The following ZNF438 variants were observed in gnomAD, a reference collection of about 807,000 sequenced individuals.
The protein encoded by ZNF438 is zinc finger protein 438.
In ZNF438, 25 loss-of-function variants were observed where a neutral mutation model predicts 38.0. The ratio of observed to expected loss-of-function variants is 0.66; its 90% CI spans 0.48 to 0.92. The LOEUF (loss-of-function observed/expected upper bound fraction) is 0.92, where lower values mean the gene tolerates loss of function less well. Ranked by LOEUF, ZNF438 falls within the 40% of genes least tolerant of loss-of-function variation. ZNF438 has a pLI of 0.00. For synonymous variants in ZNF438, 372 were observed against 364.1 expected (o/e 1.02, Z -0.25); for missense variants, 1,007 against 999.6 (o/e 1.01, Z -0.10).
At chr10:30,880,384 T>C (rs938191315) in intron 3 of ZNF438, among the ~76,000 whole-genome samples, 2 of 150,242 alleles carry the variant, frequency 1.3e-5, no homozygotes, top group African/African-American at 4.9e-5. Context: ...TGAGCCGAGA[T>C]TGTGCTATTG....
chr10:30,978,314 A>G (rs184610949), intron 1 of ZNF438, among the ~76,000 whole-genome samples: 243 of 152,258 alleles, frequency 1.6e-3, no homozygotes, highest in Admixed American at 0.015. Context: ...TGTATATTGT[A>G]TACACTGATT....
intron 2 of ZNF438, among the ~76,000 whole-genome samples, chr10:30,937,891 A>T (rs1282061727): frequency 6.6e-6 from 1 of 152,186 alleles, no homozygotes; most frequent in Non-Finnish European, 1.5e-5. Flanking sequence ...CCAGTGCTTG[A>T]GGGACAGAGG....
exon 6 of ZNF438, chr10:30,845,211 G>A (rs765857499): frequency 6.2e-7 from 1 of 1,614,156 alleles, no homozygotes; most frequent in Non-Finnish European, 8.5e-7. Flanking sequence ...TCCTGACTGG[G>A]GTCCTTCATT....
intron 1 of ZNF438, among the ~76,000 whole-genome samples, chr10:30,944,060 A>G (rs2047105566): frequency 6.6e-6 from 1 of 152,182 alleles, no homozygotes; most frequent in African/African-American, 2.4e-5. Context: ...TTCCATCTGA[A>G]CTGGGAGCAC....
At chr10:30,958,672 C>T (rs1053724641) in intron 1 of ZNF438, among the ~76,000 whole-genome samples, 1 of 146,768 alleles carries the variant, frequency 6.8e-6, no homozygotes, top group African/African-American at 2.4e-5. Context: ...CACTACAATC[C>T]AGTTTTCCAT....
At chr10:30,883,927 T>C (rs1022077393) in intron 3 of ZNF438, among the ~76,000 whole-genome samples, 6 of 152,258 alleles carry the variant, frequency 3.9e-5, no homozygotes, top group African/African-American at 9.6e-5. Context: ...ATCAGTATGG[T>C]TCAGTTATTT....
At chr10:30,920,703 G>C (rs2044195797) in intron 2 of ZNF438, 1 of 152,234 alleles carries the variant, frequency 6.6e-6, no homozygotes, top group Non-Finnish European at 1.5e-5. Context: ...GAGCACTGCA[G>C]CTCTCTTACA....
chr10:30,933,884 C>T (rs534874780), intron 2 of ZNF438, among the ~76,000 whole-genome samples: 6 of 152,166 alleles, frequency 3.9e-5, no homozygotes, highest in East Asian at 3.9e-4. Flanking sequence ...CGGTGGCTCA[C>T]GCCTGTAATC....
chr10:31,000,409 C>A (rs934394265), intron 1 of ZNF438, among the ~76,000 whole-genome samples: 1 of 152,224 alleles, frequency 6.6e-6, no homozygotes, highest in African/African-American at 2.4e-5. Flanking sequence ...AATCCCTAGA[C>A]AATTCACATG....
At chr10:30,971,266 C>A (rs568283697) in intron 1 of ZNF438, among the ~76,000 whole-genome samples, 1 of 152,060 alleles carries the variant, frequency 6.6e-6, no homozygotes, top group Admixed American at 6.6e-5. Context: ...ATAGTAACTA[C>A]GCAGTAAGTG....
At chr10:30,850,803 G>A (rs10826876) in intron 4 of ZNF438, among the ~76,000 whole-genome samples, 58,246 of 151,962 alleles carry the variant, frequency 0.38, 11,460 homozygotes, top group Admixed American at 0.41. Context: ...TCCCTATTAA[G>A]CTTCAGCTTT....
intron 1 of ZNF438, among the ~76,000 whole-genome samples, chr10:30,989,605 A>G (rs932723525): frequency 5.9e-5 from 9 of 152,204 alleles, no homozygotes; most frequent in Admixed American, 2.0e-4. Flanking sequence ...AAGTCTCAGA[A>G]GACATCTCCA....
intron 1 of ZNF438, among the ~76,000 whole-genome samples, chr10:30,954,608 A>C (rs1051234367): frequency 1.3e-5 from 2 of 152,224 alleles, no homozygotes; most frequent in African/African-American, 4.8e-5. Flanking sequence ...GGACTCTTAA[A>C]TAGACAGAAA....
At chr10:30,868,294 C>T (rs2036815660) in intron 4 of ZNF438, among the ~76,000 whole-genome samples, 2 of 152,266 alleles carry the variant, frequency 1.3e-5, no homozygotes, top group African/African-American at 4.8e-5. Flanking sequence ...TGGTTTTGAA[C>T]TCCTGACCGC....
At chr10:30,994,516 G>C (rs1467515763) in intron 1 of ZNF438, among the ~76,000 whole-genome samples, 1 of 152,212 alleles carries the variant, frequency 6.6e-6, no homozygotes, top group Non-Finnish European at 1.5e-5. Flanking sequence ...CTCTCAGCAT[G>C]TGATGCTCTG....
intron 3 of ZNF438, among the ~76,000 whole-genome samples, chr10:30,904,456 T>C (rs1383663481): frequency 2.6e-5 from 4 of 152,224 alleles, no homozygotes; most frequent in African/African-American, 9.7e-5. Context: ...TGGTGCAAGT[T>C]GCTCTATCAG....
chr10:31,003,654 C>T (rs1436496225), intron 1 of ZNF438, among the ~76,000 whole-genome samples: 1 of 152,288 alleles, frequency 6.6e-6, no homozygotes, highest in Non-Finnish European at 1.5e-5. Context: ...TTATCATATG[C>T]CCTACTACCA....
At chr10:30,951,162 A>G (rs2048144671) in intron 1 of ZNF438, among the ~76,000 whole-genome samples, 1 of 151,528 alleles carries the variant, frequency 6.6e-6, no homozygotes, top group African/African-American at 2.4e-5. Context: ...TGATTATCTC[A>G]ATAGATGCAG....
chr10:30,979,327 G>A (rs771068031), intron 1 of ZNF438, among the ~76,000 whole-genome samples: 5 of 152,134 alleles, frequency 3.3e-5, no homozygotes, highest in Non-Finnish European at 5.9e-5. Flanking sequence ...CACGGAAATG[G>A]CCATACTGCC....
Sources: gnomAD v4.1 joint callset for allele counts (sites outside exome capture counted in the v4.1 genomes callset) on GRCh38, gnomAD v4.1.1 for gene constraint, MANE v1.5 for transcripts, NCBI Gene and HGNC (gene_info 2026-07-23, HGNC 2026-07-21) for gene names.